Variants in MAML2 observed in about 807,000 individuals in gnomAD.
MAML2 encodes mastermind-like protein 2.
Under a neutral mutation model 96.1 loss-of-function variants are expected in MAML2, and 22 were observed. That is an observed-to-expected ratio of 0.23 (90% CI 0.16 to 0.33). The LOEUF is 0.33. Among genes scored for constraint, MAML2 ranks in the 10% least tolerant of loss-of-function variants. The pLI is 1.00. For missense variants in MAML2, 1,367 were observed against 1,392.4 expected (o/e 0.98, Z 0.29); for synonymous variants, 561 against 521.3 (o/e 1.08, Z -1.04).
At chr11:96,305,655 C>A (rs56162620) in intron 1 of MAML2, among the ~76,000 whole-genome samples, 5,465 of 152,220 alleles carry the variant, frequency 0.036, 108 homozygotes, top group Non-Finnish European at 0.044. Flanking sequence ...GTCTAGATAT[C>A]TGTAAGTTAC....
intron 2 of MAML2, among the ~76,000 whole-genome samples, chr11:96,033,197 A>C (rs941380424): frequency 6.6e-6 from 1 of 152,130 alleles, no homozygotes; most frequent in Non-Finnish European, 1.5e-5. Flanking sequence ...AGTTCCCTCA[A>C]ATTCCTTTTC....
chr11:96,329,750 T>TA (rs1863830041), intron 1 of MAML2, among the ~76,000 whole-genome samples: 1 of 152,200 alleles, frequency 6.6e-6, no homozygotes, highest in East Asian at 1.9e-4. Context: ...TATAATACAG[T>TA]ATGACTATAT....
At chr11:96,118,835 T>C (rs1235563270) in intron 1 of MAML2, among the ~76,000 whole-genome samples, 1 of 152,146 alleles carries the variant, frequency 6.6e-6, no homozygotes, top group Non-Finnish European at 1.5e-5. Context: ...ATAGTATTTC[T>C]ACATAATCAA....
At chr11:96,235,114 T>C (rs1376860218) in intron 1 of MAML2, among the ~76,000 whole-genome samples, 3 of 152,170 alleles carry the variant, frequency 2.0e-5, no homozygotes, top group African/African-American at 4.8e-5. Flanking sequence ...TCTGGACCTA[T>C]GAAAAATTGA....
At chr11:96,123,522 G>A (rs920241600) in intron 1 of MAML2, among the ~76,000 whole-genome samples, 2 of 152,184 alleles carry the variant, frequency 1.3e-5, no homozygotes, top group African/African-American at 4.8e-5. Flanking sequence ...CACATGCAGT[G>A]CCCCCAACTA....
At chr11:96,027,636 G>T (rs1858546375) in intron 2 of MAML2, among the ~76,000 whole-genome samples, 1 of 152,210 alleles carries the variant, frequency 6.6e-6, no homozygotes, top group South Asian at 2.1e-4. Flanking sequence ...TAGAGGAGAT[G>T]CTATCCTCAG....
intron 1 of MAML2, among the ~76,000 whole-genome samples, chr11:96,196,753 G>A (rs1861737907): frequency 6.6e-6 from 1 of 152,082 alleles, no homozygotes; most frequent in South Asian, 2.1e-4. Context: ...TAAATTAAAT[G>A]TATTTTATTC....
chr11:96,311,032 T>G (rs1029508976), intron 1 of MAML2, among the ~76,000 whole-genome samples: 1 of 152,230 alleles, frequency 6.6e-6, no homozygotes, highest in African/African-American at 2.4e-5. Context: ...ATCATCTCAT[T>G]TAACTCTCAC....
At chr11:96,152,663 T>C (rs1274498228) in intron 1 of MAML2, among the ~76,000 whole-genome samples, 2 of 152,230 alleles carry the variant, frequency 1.3e-5, no homozygotes, top group African/African-American at 4.8e-5. Context: ...AGCCAATTTG[T>C]ATAAAGCAAG....
intron 1 of MAML2, among the ~76,000 whole-genome samples, chr11:96,124,730 A>T (rs980354487): frequency 2.0e-5 from 3 of 152,158 alleles, no homozygotes; most frequent in African/African-American, 7.2e-5. Context: ...ACTGCACATG[A>T]ACGGATGTGC....
At chr11:96,011,240 A>G (rs1156698659) in intron 2 of MAML2, among the ~76,000 whole-genome samples, 1 of 152,210 alleles carries the variant, frequency 6.6e-6, no homozygotes, top group Non-Finnish European at 1.5e-5. Context: ...AAGGAAAATA[A>G]GTCATTCTAC....
intron 1 of MAML2, among the ~76,000 whole-genome samples, chr11:96,129,710 CT>C (rs1408131596): frequency 2.0e-5 from 3 of 152,168 alleles, no homozygotes; most frequent in African/African-American, 7.2e-5. Context: ...TTCAGCTTCT[CT>C]TGATCCCAAC....
intron 2 of MAML2, among the ~76,000 whole-genome samples, chr11:96,025,687 G>A (rs776776403): frequency 2.0e-5 from 3 of 152,116 alleles, no homozygotes; most frequent in Non-Finnish European, 2.9e-5. Context: ...CCACGTAGCT[G>A]GGATTATAGG....
intron 1 of MAML2, among the ~76,000 whole-genome samples, chr11:96,222,128 C>T (rs1395311068): frequency 6.6e-6 from 1 of 152,178 alleles, no homozygotes; most frequent in Non-Finnish European, 1.5e-5. Flanking sequence ...CCAATATCAT[C>T]CCGGTCCATC....
At chr11:96,172,181 T>C (rs975474117) in intron 1 of MAML2, among the ~76,000 whole-genome samples, 1 of 152,240 alleles carries the variant, frequency 6.6e-6, no homozygotes, top group Admixed American at 6.5e-5. Context: ...TAAATATTTT[T>C]TGAATGAATA....
intron 1 of MAML2, among the ~76,000 whole-genome samples, chr11:96,147,382 A>C (rs934389025): frequency 6.6e-6 from 1 of 152,156 alleles, no homozygotes; most frequent in Non-Finnish European, 1.5e-5. Context: ...TGCACTTATC[A>C]TTTTTTTCAT....
At chr11:96,018,595 T>G (rs1490833740) in intron 2 of MAML2, among the ~76,000 whole-genome samples, 1 of 152,082 alleles carries the variant, frequency 6.6e-6, no homozygotes, top group Non-Finnish European at 1.5e-5. Flanking sequence ...GGAAAGGAAG[T>G]GATTAATGGA....
intron 2 of MAML2, among the ~76,000 whole-genome samples, chr11:96,003,518 T>C (rs984955131): frequency 6.6e-6 from 1 of 152,142 alleles, no homozygotes; most frequent in Non-Finnish European, 1.5e-5. Flanking sequence ...TATATATACA[T>C]TTTAAAATCC....
chr11:96,287,203 A>G (rs1226460156), intron 1 of MAML2, among the ~76,000 whole-genome samples: 1 of 152,256 alleles, frequency 6.6e-6, no homozygotes. Flanking sequence ...CATGGGAGAA[A>G]GTGAAAAGCA....
Sources: allele counts gnomAD v4.1 joint callset (sites outside exome capture counted in the v4.1 genomes callset), GRCh38; gene constraint gnomAD v4.1.1; transcripts MANE v1.5; gene names NCBI Gene and HGNC (gene_info 2026-07-23, HGNC 2026-07-21).